Variants in PLA2G4B observed in about 807,000 individuals in gnomAD.
The protein encoded by PLA2G4B is cytosolic phospholipase A2 beta.
Under a neutral mutation model 95.8 loss-of-function variants are expected in PLA2G4B, and 122 were observed. That is an observed-to-expected ratio of 1.27 (90% CI 1.10 to 1.48). The LOEUF (loss-of-function observed/expected upper bound fraction) is 1.48, where lower values mean the gene tolerates loss of function less well. Ranked by LOEUF, PLA2G4B falls within the 40% of genes most tolerant of loss-of-function variation. The probability of loss-of-function intolerance (pLI) is 0.00; values close to 1 mark genes in which losing one functional copy is unlikely to be tolerated. For missense variants in PLA2G4B, 1,158 were observed against 996.2 expected (o/e 1.16, Z -2.19); for synonymous variants, 518 against 421.5 (o/e 1.23, Z -2.80).
rs773541321 is a variant in PLA2G4B, at chr15:41,843,696, G to T, written c.764G>T (p.Arg255Leu). The T allele has an allele frequency of 1.2e-6, 2 of 1,613,650 alleles. No homozygotes were observed. Among genetic ancestry groups the T allele is most frequent in the East Asian group, 4.5e-5 (2 of 44,878 alleles). The change falls in exon 11 of 20, where the codon CGA (arginine) becomes CTA (leucine). Residue 255 changes from arginine to leucine, a missense_variant. Transcript: ENST00000458483. ...KEAGLRELAV[R>L]LGFGPCAEEQ... ...GCCAGACTGAGGGAGCTGGCCGTGC[G>T]ACTGGGCTTCGGGCCCTGTGCAGAG...
intron 10 of PLA2G4B, 59 bp from the exon 11 acceptor site, chr15:41,843,617 C>T: frequency 6.3e-7 from 1 of 1,582,392 alleles, no homozygotes; most frequent in Non-Finnish European, 8.6e-7. Context: ...GCAGACCCAG[C>T]TTTCCATTCT....
rs747165690 is a variant in PLA2G4B, at chr15:41,847,471, G to A, written c.2082G>A (p.Ala694=). Reference sequence around the variant, plus strand: ...ACCCCACCTGCCCCGGAGCCCCTGCGGTGCTGCACTTTCCTCTGGTCAGCG... The same window carrying A: ...ACCCCACCTGCCCCGGAGCCCCTGCAGTGCTGCACTTTCCTCTGGTCAGCG... The part of the protein sequence containing the change: ...FSDPTCPGAP[A]VLHFPLVSDS... The change falls in exon 19 of 20, where the codon GCG becomes GCA. Residue 694 remains alanine, a synonymous_variant. Coordinates refer to ENST00000458483, the MANE Select transcript of PLA2G4B (RefSeq NM_001114633.2). 1.9e-5 allele frequency: 30 copies of A among 1,612,118 alleles called. No individual in the cohort carries two copies. Among genetic ancestry groups the A allele is most frequent in the African/African-American group, 5.3e-5 (4 of 74,846 alleles).
rs2065445938 is a variant in PLA2G4B, at chr15:41,842,242, G to T, written c.671G>T (p.Gly224Val). ...GCGCCACTGAGTGCCCTGCCCTCTG[G>T]TCAAGTGGTGAGGCTTGTCTTCCCC... ...LKAPLSALPS[G>V]QVVRLVFPTS... Residue 224 changes from glycine (G) to valine (V), a missense_variant, in exon 9 of 20, where the codon GGT (glycine) becomes GTT (valine). By Grantham distance (109) the Gly-to-Val change is moderately radical (BLOSUM62 -3). Transcript: ENST00000458483. 4 of 1,614,106 alleles carry T rather than the reference G, an allele frequency of 2.5e-6. No homozygotes were observed. Among genetic ancestry groups the T allele is most frequent in the Non-Finnish European group, 3.4e-6 (4 of 1,180,028 alleles).
chr15:41,845,588 G>A (rs764604847), intron 14 of PLA2G4B, 50 bp from the exon 15 acceptor site: 46 of 1,608,916 alleles, frequency 2.9e-5, no homozygotes, highest in Non-Finnish European at 3.7e-5. Context: ...GTGGGGGTGT[G>A]GGTGCCTAAG....
intron 8 of PLA2G4B, 50 bp downstream of exon 8, chr15:41,841,999 C>T (rs781383983): frequency 5.7e-6 from 9 of 1,584,124 alleles, no homozygotes; most frequent in Non-Finnish European, 6.9e-6. Flanking sequence ...TTCCTCCCTC[C>T]CTCTGCACCT....
At position 41,846,782 on chromosome 15, in the gene PLA2G4B, C is replaced by T. The variant is rs143195360; in HGVS notation, c.1894C>T (p.Arg632Trp). Residue 632 changes from arginine to tryptophan, a missense_variant, in exon 18 of 20, where the codon CGG becomes TGG. Coordinates refer to ENST00000458483, the MANE Select transcript of PLA2G4B (RefSeq NM_001114633.2). ...TSCLPLLQPTRDVDLILSLDY... is the reference protein window; with the variant it reads ...TSCLPLLQPTWDVDLILSLDY... ...CTGCCTGCCCCTCCTGCAGCCCACT[C>T]GGGACGTGGACCTCATCCTGTCATT... 1.9e-5 allele frequency: 30 copies of T among 1,613,818 alleles called. No homozygotes were observed. Among genetic ancestry groups the T allele is most frequent in the African/African-American group, 5.3e-5 (4 of 74,920 alleles).
chr15:41,847,483 T>A lies in PLA2G4B; in HGVS notation c.2094T>A (p.Phe698Leu), dbSNP rs774984765. ...CCGGAGCCCCTGCGGTGCTGCACTT[T>A]CCTCTGGTCAGCGACTCCTTCCGGG... The part of the protein sequence containing the change: ...TCPGAPAVLH[F>L]PLVSDSFREY... The change falls in exon 19 of 20, where the codon TTT becomes TTA. Residue 698 changes from phenylalanine (F) to leucine (L), a missense_variant. By Grantham distance (22) the Phe-to-Leu change is conservative. Coordinates refer to ENST00000458483, the MANE Select transcript of PLA2G4B (RefSeq NM_001114633.2). 2.5e-6 allele frequency: 4 copies of A among 1,611,062 alleles called. No individual in the cohort carries two copies. Among genetic ancestry groups the A allele is most frequent in the Non-Finnish European group, 3.4e-6 (4 of 1,178,118 alleles).
At chr15:41,841,739 C>A in intron 7 of PLA2G4B, 80 bp from the exon 8 acceptor site, 1 of 1,580,180 alleles carries the variant, frequency 6.3e-7, no homozygotes, top group Non-Finnish European at 8.6e-7. Flanking sequence ...GAGGGAGGTG[C>A]CCTCCAGGCC....
In PLA2G4B at chr15:41,841,560, G is replaced by A; in HGVS notation, c.479G>A (p.Gly160Glu). The A allele has an allele frequency of 1.2e-6, 2 of 1,614,064 alleles. No homozygotes were observed. The highest frequency in any genetic ancestry group is 1.1e-5 in the South Asian group (1 of 91,072). Residue 160 changes from glycine (G) to glutamate (E), a missense_variant, in exon 7 of 20, where the codon GGA (glycine) becomes GAA (glutamate). Gly to Glu is a moderately conservative substitution (Grantham distance 98). Coordinates refer to ENST00000458483, the MANE Select transcript of PLA2G4B (RefSeq NM_001114633.2). ...SCLHVQLEETGDQKSSEHRVQ... is the reference protein window; with the variant it reads ...SCLHVQLEETEDQKSSEHRVQ... ...TTGCACGTTCAACTGGAGGAGACAGGAGACCAGAAGTGTGAGTCCCCAACC... is the reference window on the plus strand; with the variant it reads ...TTGCACGTTCAACTGGAGGAGACAGAAGACCAGAAGTGTGAGTCCCCAACC...
At chr15:41,839,868 T>C in intron 1 of PLA2G4B, 1 of 371,782 alleles carries the variant, frequency 2.7e-6, no homozygotes, top group Non-Finnish European at 4.9e-6. Context: ...AGTTTCCTTG[T>C]GGAGTGGGCC....
chr15:41,845,311 G>C lies in PLA2G4B; in HGVS notation c.1348G>C (p.Glu450Gln). 3.7e-6 allele frequency: 6 copies of C among 1,613,884 alleles called. No homozygotes were observed. Among genetic ancestry groups the C allele is most frequent in the Non-Finnish European group, 5.1e-6 (6 of 1,179,922 alleles). The change falls in exon 14 of 20, where the codon GAA (glutamate) becomes CAA (glutamine). Residue 450 changes from glutamate to glutamine, a missense_variant. Physicochemically the swap from Glu to Gln is conservative, Grantham distance 29. Transcript: ENST00000458483. ...CAAAGGGCAGAGCCTGACCACTTTT[G>C]AATTTGGGGGTGAGTGGCCCAAGAG... Reference protein sequence around the residue: ...NTKGQSLTTFEFGEWCEFSPY... With the variant: ...NTKGQSLTTFQFGEWCEFSPY...
At chr15:41,842,097 C>A in intron 8 of PLA2G4B, 96 bp from the exon 9 acceptor site, 1 of 1,583,838 alleles carries the variant, frequency 6.3e-7, no homozygotes, top group Non-Finnish European at 8.6e-7. Context: ...TCCCGTCCCT[C>A]CCATAACTCT....
Position 41,846,020 on chromosome 15 carries a change from C to T in PLA2G4B, c.1573C>T (p.Arg525Cys), listed in dbSNP as rs567002817. ...CTCAGAGCCCAGCCAGTTCTGGGACCGCTGGGTCAGGAACCAGGCCAACCT... is the reference window on the plus strand; with the variant it reads ...CTCAGAGCCCAGCCAGTTCTGGGACTGCTGGGTCAGGAACCAGGCCAACCT... Reference protein sequence around the residue: ...WASEPSQFWDRWVRNQANLDK... With the variant: ...WASEPSQFWDCWVRNQANLDK... The change falls in exon 16 of 20, where the codon CGC becomes TGC. Residue 525 changes from arginine to cysteine, a missense_variant. By Grantham distance (180) the Arg-to-Cys change is radical. Coordinates refer to ENST00000458483, the MANE Select transcript of PLA2G4B (RefSeq NM_001114633.2). The T allele has an allele frequency of 7.1e-5, 109 of 1,540,598 alleles. No individual in the cohort carries two copies. The highest frequency in any genetic ancestry group is 5.4e-4 in the East Asian group (24 of 44,222).
chr15:41,842,537 G>T lies in PLA2G4B; in HGVS notation c.706-17G>T. On this transcript the variant is annotated splice_polypyrimidine_tract_variant and intron_variant, in intron 9 of 19. Transcript: ENST00000458483. ...AGGTGGCCGACCTTTTGTGACTGGGGCCTTCACGGTTTTCAGGAGCCCCTG... is the reference window on the plus strand; with the variant it reads ...AGGTGGCCGACCTTTTGTGACTGGGTCCTTCACGGTTTTCAGGAGCCCCTG... 1 of 1,611,368 alleles carries T rather than the reference G, an allele frequency of 6.2e-7. No individual in the cohort carries two copies. Among genetic ancestry groups the T allele is most frequent in the Non-Finnish European group, 8.5e-7 (1 of 1,179,270 alleles).
chr15:41,845,560 G>A (rs2140896247), intron 14 of PLA2G4B, 78 bp from the exon 15 acceptor site: 2 of 1,579,656 alleles, frequency 1.3e-6, no homozygotes, highest in East Asian at 2.2e-5. Context: ...CTGCCCTAAA[G>A]CAAAACCCTG....
In PLA2G4B at chr15:41,848,133, A is replaced by ACT. The variant is rs1328565232; in HGVS notation, c.*275_*276dup. 12 of 569,412 alleles carry ACT rather than the reference A, an allele frequency of 2.1e-5. No individual in the cohort carries two copies. The highest frequency in any genetic ancestry group is 2.1e-4 in the African/African-American group (11 of 53,288). 35.3% of individuals were successfully genotyped at this position (569,412 alleles called of 1,614,324 possible). A position where few individuals can be genotyped will look rare whatever the true frequency, so the allele number is the denominator to read the frequency against. ...AGTTGGAGCACTTGATACATCACAG[A>ACT]CTCATACAAATGTGAGGCGCTGAGA... is the stretch of plus-strand genomic sequence containing the variant. On this transcript the variant is annotated 3_prime_UTR_variant, in exon 20 of 20. Transcript: ENST00000458483.
intron 17 of PLA2G4B, 42 bp downstream of exon 17, chr15:41,846,424 C>T (rs1422440330): frequency 6.3e-7 from 1 of 1,577,358 alleles, no homozygotes; most frequent in African/African-American, 1.3e-5. Context: ...CCACCTGAGC[C>T]TTGAGTCCCC....
rs371399276 is a variant in PLA2G4B at position 41,847,708 on chromosome 15, T to A, written c.2194T>A (p.Ser732Thr). The change falls in exon 20 of 20, where the codon TCT (serine) becomes ACT (threonine). Residue 732 changes from serine (S) to threonine (T), a missense_variant. By Grantham distance (58) the Ser-to-Thr change is moderately conservative (BLOSUM62 1). Transcript: ENST00000458483. ...AGEVNLSSSD[S>T]PYHYTKVTYS... ...GGAGGTGAACCTGTCTTCATCGGAC[T>A]CTCCCTACCACTACACGAAGGTGAC... The A allele has an allele frequency of 1.2e-6, 2 of 1,613,372 alleles. No individual in the cohort carries two copies. Among genetic ancestry groups the A allele is most frequent in the African/African-American group, 2.7e-5 (2 of 74,806 alleles).
Position 41,842,251 on chromosome 15 carries a change from T to C in PLA2G4B, c.680T>C (p.Val227Ala). 1 of 1,614,030 alleles carries C rather than the reference T, an allele frequency of 6.2e-7. No homozygotes were observed. Among genetic ancestry groups the C allele is most frequent in the Non-Finnish European group, 8.5e-7 (1 of 1,180,000 alleles). Residue 227 changes from valine to alanine, a missense_variant, in exon 9 of 20, where the codon GTG becomes GCG. Val to Ala is a moderately conservative substitution (Grantham distance 64). Coordinates refer to ENST00000458483, the MANE Select transcript of PLA2G4B (RefSeq NM_001114633.2). Reference sequence around the variant, plus strand: ...AGTGCCCTGCCCTCTGGTCAAGTGGTGAGGCTTGTCTTCCCCACGTCCCAG... The same window carrying C: ...AGTGCCCTGCCCTCTGGTCAAGTGGCGAGGCTTGTCTTCCCCACGTCCCAG... ...PLSALPSGQV[V>A]RLVFPTSQEP...
Sources: gnomAD v4.1 joint callset for allele counts on GRCh38, gnomAD v4.1.1 for gene constraint, MANE v1.5 for transcripts, NCBI Gene and HGNC (gene_info 2026-07-23, HGNC 2026-07-21) for gene names.